The following ANKRD6 variants were observed in gnomAD, a reference collection of about 807,000 sequenced individuals.
ANKRD6 encodes ankyrin repeat domain 6, also known as ankyrin repeat domain-containing protein 6.
Under a neutral mutation model 82.3 loss-of-function variants are expected in ANKRD6, and 56 were observed. That is an observed-to-expected ratio of 0.68 (90% CI 0.55 to 0.85). The LOEUF (loss-of-function observed/expected upper bound fraction) is 0.85, where lower values mean the gene tolerates loss of function less well. Ranked by LOEUF, ANKRD6 falls within the 40% of genes least tolerant of loss-of-function variation. The pLI is 0.00. For missense variants in ANKRD6, 852 were observed against 907.6 expected, an observed-to-expected ratio of 0.94 and a Z score of 0.79; for synonymous variants, 347 against 352.1, an observed-to-expected ratio of 0.99 and a Z score of 0.16.
chr6:89,519,422 G>A (rs539499573), intron 1 of ANKRD6, among the ~76,000 whole-genome samples: 1 of 152,294 alleles, frequency 6.6e-6, no homozygotes, highest in South Asian at 2.1e-4. Flanking sequence ...ATGCAGTGGT[G>A]GATTGAAGCA....
At chr6:89,573,203 T>C (rs1790337671) in intron 2 of ANKRD6, among the ~76,000 whole-genome samples, 1 of 152,238 alleles carries the variant, frequency 6.6e-6, no homozygotes, top group South Asian at 2.1e-4. Flanking sequence ...ATCAGACTTA[T>C]AATTATTGTG....
chr6:89,560,231 C>G (rs1472542956), intron 1 of ANKRD6, among the ~76,000 whole-genome samples: 1 of 152,204 alleles, frequency 6.6e-6, no homozygotes, highest in African/African-American at 2.4e-5. Context: ...GTTCTACTTT[C>G]CAGTTCTTCT....
intron 9 of ANKRD6, 93 bp from the exon 10 acceptor site, chr6:89,621,829 T>A (rs1803436175): frequency 8.1e-7 from 1 of 1,234,486 alleles, no homozygotes; most frequent in African/African-American, 1.5e-5. Context: ...AGCTGTAAAT[T>A]CCATTAGGTC....
At chr6:89,453,854 T>A (rs376549866) in intron 1 of ANKRD6, among the ~76,000 whole-genome samples, 6 of 152,232 alleles carry the variant, frequency 3.9e-5, no homozygotes, top group Admixed American at 3.3e-4. Flanking sequence ...CAGGCTTGAG[T>A]GCAGTGGCAT....
chr6:89,531,236 C>T (rs1158705390), intron 1 of ANKRD6, among the ~76,000 whole-genome samples: 1 of 152,220 alleles, frequency 6.6e-6, no homozygotes, highest in Non-Finnish European at 1.5e-5. Context: ...CTCCTGTTTT[C>T]ACAGTTATGT....
chr6:89,488,604 C>G (rs960200302), intron 1 of ANKRD6, among the ~76,000 whole-genome samples: 1 of 152,156 alleles, frequency 6.6e-6, no homozygotes, highest in Non-Finnish European at 1.5e-5. Context: ...TTTTAGGCCC[C>G]CAGAGCTATG....
At position 89,504,570 on chromosome 6, in the gene ANKRD6, T is replaced by TA. The variant is rs35074313; in HGVS notation, c.-143-62251dup. Among the ~76,000 whole-genome samples the TA allele has an allele frequency of 5.2e-3, 758 of 146,578 alleles. 10 individuals carry two copies. Among genetic ancestry groups the TA allele is most frequent in the African/African-American group, 0.016 (625 of 39,730 alleles). ...ACATGTGCTACCCGCCTGGTTAAAT[T>TA]AAAAAAAAAAAAATTATAGCGATGT... On this transcript the variant is annotated intron_variant, in intron 1 of 15. Coordinates refer to ENST00000339746, the MANE Select transcript of ANKRD6 (RefSeq NM_001242809.2).
intron 2 of ANKRD6, among the ~76,000 whole-genome samples, chr6:89,591,729 G>GGT (rs1204481930): frequency 6.6e-6 from 1 of 152,168 alleles, no homozygotes; most frequent in African/African-American, 2.4e-5. Flanking sequence ...TTTCTCCTTT[G>GGT]GTAGGTGGTG....
intron 8 of ANKRD6, 48 bp from the exon 9 acceptor site, chr6:89,617,906 G>A (rs1250097283): frequency 6.3e-7 from 1 of 1,576,664 alleles, no homozygotes; most frequent in Non-Finnish European, 8.7e-7. Flanking sequence ...CTATGTGCGT[G>A]TGGGACCCGT....
intron 1 of ANKRD6, chr6:89,561,351 G>T (rs1227249505): frequency 6.6e-6 from 1 of 152,174 alleles, no homozygotes; most frequent in Non-Finnish European, 1.5e-5. Flanking sequence ...TATTTATAAT[G>T]AGTCATGGGC....
At chr6:89,500,491 AT>A (rs1340610544) in intron 1 of ANKRD6, among the ~76,000 whole-genome samples, 2 of 152,228 alleles carry the variant, frequency 1.3e-5, no homozygotes, top group East Asian at 3.8e-4. Context: ...ATAATGTCAT[AT>A]GATATATTTT....
At chr6:89,618,348 C>T (rs1563100024) in intron 9 of ANKRD6, 2 of 609,782 alleles carry the variant, frequency 3.3e-6, no homozygotes, top group East Asian at 2.7e-5. Context: ...AGGACAGGGC[C>T]ATGATTGCAG....
chr6:89,577,987 G>A (rs1002719391), intron 2 of ANKRD6, among the ~76,000 whole-genome samples: 4 of 152,174 alleles, frequency 2.6e-5, no homozygotes, highest in East Asian at 1.9e-4. Flanking sequence ...CCTGAGTAAC[G>A]AAATTGGAAT....
intron 8 of ANKRD6, among the ~76,000 whole-genome samples, 156 bp from the exon 9 acceptor site, chr6:89,617,798 A>G (rs532659594): frequency 6.6e-6 from 1 of 152,334 alleles, no homozygotes; most frequent in South Asian, 2.1e-4. Flanking sequence ...GCTGATGACC[A>G]GGGCCATATC....
intron 1 of ANKRD6, among the ~76,000 whole-genome samples, chr6:89,550,417 G>A (rs1211576872): frequency 1.3e-5 from 2 of 152,128 alleles, no homozygotes; most frequent in African/African-American, 4.8e-5. Context: ...AGTGAAAGAA[G>A]CCAGATGGGA....
At chr6:89,567,931 C>A (rs138901495) in intron 2 of ANKRD6, among the ~76,000 whole-genome samples, 1 of 152,188 alleles carries the variant, frequency 6.6e-6, no homozygotes, top group Admixed American at 6.5e-5. Flanking sequence ...TGAAGAGGGG[C>A]AAAGTTTAAT....
intron 2 of ANKRD6, among the ~76,000 whole-genome samples, chr6:89,580,207 A>ATTT (rs568680402): frequency 7.0e-6 from 1 of 143,406 alleles, no homozygotes; most frequent in African/African-American, 2.6e-5. Flanking sequence ...GAGAAACTTG[A>ATTT]TTTTTTTTTT....
chr6:89,477,603 G>A (rs994099367), intron 1 of ANKRD6, among the ~76,000 whole-genome samples: 1 of 151,494 alleles, frequency 6.6e-6, no homozygotes, highest in African/African-American at 2.4e-5. Flanking sequence ...AACCTCATCT[G>A]TACTAAAAAT....
chr6:89,434,936 C>A (rs1460636097), intron 1 of ANKRD6, among the ~76,000 whole-genome samples: 1 of 152,110 alleles, frequency 6.6e-6, no homozygotes, highest in African/African-American at 2.4e-5. Flanking sequence ...GACCAGAAAA[C>A]AACTAGTCGC....
Sources: allele counts gnomAD v4.1 joint callset (sites outside exome capture counted in the v4.1 genomes callset), GRCh38; gene constraint gnomAD v4.1.1; transcripts MANE v1.5; gene names NCBI Gene and HGNC (gene_info 2026-07-23, HGNC 2026-07-21).